SFMBT1: variants seen among roughly 807,000 people sequenced by gnomAD.
The protein encoded by SFMBT1 is Scm like with four mbt domains 1.
Under a neutral mutation model 108.7 loss-of-function variants are expected in SFMBT1, and 32 were observed. The ratio of observed to expected loss-of-function variants is 0.29; its 90% CI spans 0.22 to 0.40. SFMBT1 has a LOEUF of 0.40. SFMBT1 is among the 10% of genes least tolerant of loss of function. The pLI is 1.00. For missense variants in SFMBT1, 816 were observed against 1,059.6 expected, an observed-to-expected ratio of 0.77 and a Z score of 3.19; for synonymous variants, 348 against 369.5, an observed-to-expected ratio of 0.94 and a Z score of 0.67.
intron 1 of SFMBT1, among the ~76,000 whole-genome samples, chr3:53,000,695 A>G (rs1254368564): frequency 1.3e-5 from 2 of 150,310 alleles, no homozygotes; most frequent in Non-Finnish European, 3.0e-5. Context: ...TTTGTTGGAA[A>G]GCAATGTGAT....
chr3:53,017,083 G>A (rs1699150262), intron 1 of SFMBT1, among the ~76,000 whole-genome samples: 1 of 152,144 alleles, frequency 6.6e-6, no homozygotes, highest in Non-Finnish European at 1.5e-5. Context: ...ACTATGCTGA[G>A]TACTTTATAT....
chr3:53,032,361 C>T (rs562039251), intron 1 of SFMBT1, among the ~76,000 whole-genome samples: 1 of 152,114 alleles, frequency 6.6e-6, no homozygotes, highest in African/African-American at 2.4e-5. Context: ...CAGAGCGAGA[C>T]CCTGTCTCAG....
At chr3:52,966,244 G>C (rs1219273806) in intron 2 of SFMBT1, among the ~76,000 whole-genome samples, 1 of 149,430 alleles carries the variant, frequency 6.7e-6, no homozygotes, top group Non-Finnish European at 1.5e-5. Flanking sequence ...GTGAACCCGG[G>C]AGGCAAAGCT....
intron 1 of SFMBT1, among the ~76,000 whole-genome samples, chr3:52,975,866 C>G (rs1003260581): frequency 4.6e-5 from 7 of 152,070 alleles, no homozygotes; most frequent in African/African-American, 1.4e-4. Flanking sequence ...GCCTCAGACT[C>G]CCAAAGTGCT....
intron 3 of SFMBT1, among the ~76,000 whole-genome samples, chr3:52,948,971 AT>A (rs964311321): frequency 1.3e-5 from 2 of 150,916 alleles, no homozygotes; most frequent in Non-Finnish European, 3.0e-5. Context: ...CATCCTTGCA[AT>A]TTTTTTTACA....
chr3:53,036,999 T>G (rs192957499), intron 1 of SFMBT1, among the ~76,000 whole-genome samples: 1 of 152,082 alleles, frequency 6.6e-6, no homozygotes, highest in East Asian at 1.9e-4. Context: ...AGACGAGGCA[T>G]AGGGAGAACA....
chr3:53,012,463 C>T (rs1039188599), intron 1 of SFMBT1, among the ~76,000 whole-genome samples: 1 of 151,536 alleles, frequency 6.6e-6, no homozygotes, highest in African/African-American at 2.4e-5. Context: ...AGTGCAGTGG[C>T]GCGATCTCAG....
At chr3:52,954,198 A>T (rs1703698941) in intron 3 of SFMBT1, 119 bp downstream of exon 3, 1 of 739,902 alleles carries the variant, frequency 1.4e-6, no homozygotes, top group East Asian at 2.8e-5. Flanking sequence ...AGGAAAGAAA[A>T]AGCTCTTAAA....
chr3:52,999,207 G>T (rs555614862), intron 1 of SFMBT1, among the ~76,000 whole-genome samples: 1 of 150,942 alleles, frequency 6.6e-6, no homozygotes, highest in East Asian at 1.9e-4. Context: ...AGGACCTCAC[G>T]ACTGGCTGCT....
chr3:52,968,954 C>T, intron 2 of SFMBT1, 147 bp downstream of exon 2: 1 of 873,194 alleles, frequency 1.1e-6, no homozygotes, highest in Non-Finnish European at 1.8e-6. Flanking sequence ...GTGCCAGGTT[C>T]TCTGAGAGGT....
At chr3:52,959,873 T>C (rs1703902624) in intron 2 of SFMBT1, among the ~76,000 whole-genome samples, 1 of 152,128 alleles carries the variant, frequency 6.6e-6, no homozygotes, top group Admixed American at 6.6e-5. Flanking sequence ...TTGTTGTTGT[T>C]GTTCATTGAC....
intron 4 of SFMBT1, among the ~76,000 whole-genome samples, chr3:52,937,764 G>A (rs996897781): frequency 6.6e-5 from 10 of 151,966 alleles, no homozygotes; most frequent in Admixed American, 2.6e-4. Flanking sequence ...TGTATTTTTC[G>A]TAGAGATGGG....
At chr3:53,010,388 G>C (rs1051693008) in intron 1 of SFMBT1, among the ~76,000 whole-genome samples, 2 of 152,222 alleles carry the variant, frequency 1.3e-5, no homozygotes, top group South Asian at 2.1e-4. Flanking sequence ...GCTGGGCAGT[G>C]ACCGAACATG....
intron 1 of SFMBT1, among the ~76,000 whole-genome samples, chr3:53,028,989 G>A (rs1164954149): frequency 2.0e-5 from 3 of 151,912 alleles, no homozygotes; most frequent in East Asian, 1.9e-4. Context: ...TGACTAACAC[G>A]GTGAAACCCC....
chr3:52,968,860 T>C (rs1704241951), intron 2 of SFMBT1, among the ~76,000 whole-genome samples: 2 of 152,176 alleles, frequency 1.3e-5, no homozygotes, highest in African/African-American at 2.4e-5. Flanking sequence ...CCCAAAGTGT[T>C]ATGATTACAG....
intron 1 of SFMBT1, among the ~76,000 whole-genome samples, chr3:53,017,487 G>A (rs1352206115): frequency 6.6e-6 from 1 of 152,134 alleles, no homozygotes; most frequent in Non-Finnish European, 1.5e-5. Flanking sequence ...CCCTCTTGGG[G>A]GTTTATAGGC....
chr3:53,044,493 G>T (rs2106985009), intron 1 of SFMBT1, among the ~76,000 whole-genome samples: 1 of 152,164 alleles, frequency 6.6e-6, no homozygotes, highest in South Asian at 2.1e-4. Flanking sequence ...TCTACCTACG[G>T]CCTAATTCAA....
chr3:52,906,982 T>C, intron 19 of SFMBT1, 87 bp downstream of exon 19: 2 of 1,467,024 alleles, frequency 1.4e-6, no homozygotes, highest in Non-Finnish European at 1.8e-6. Flanking sequence ...TTGAAAGAAG[T>C]AGAATGTCAA....
intron 3 of SFMBT1, among the ~76,000 whole-genome samples, chr3:52,950,281 G>C (rs1304772150): frequency 6.6e-6 from 1 of 151,820 alleles, no homozygotes; most frequent in Non-Finnish European, 1.5e-5. Context: ...GTTTTTAGTA[G>C]TTGCCCTAGA....
Sources: gnomAD v4.1 joint callset for allele counts (sites outside exome capture counted in the v4.1 genomes callset) on GRCh38, gnomAD v4.1.1 for gene constraint, MANE v1.5 for transcripts, NCBI Gene and HGNC (gene_info 2026-07-23, HGNC 2026-07-21) for gene names.